The following GALNT17 variants were observed in gnomAD, a reference collection of about 807,000 sequenced individuals.
GALNT17 encodes polypeptide N-acetylgalactosaminyltransferase 17.
Under a neutral mutation model 63.7 loss-of-function variants are expected in GALNT17, and 29 were observed. The observed-to-expected ratio is 0.46, with a 90% CI of 0.34 to 0.62. GALNT17 has a LOEUF of 0.62. GALNT17 is among the 20% of genes least tolerant of loss of function. The probability of loss-of-function intolerance (pLI) is 0.01; values close to 1 mark genes in which losing one functional copy is unlikely to be tolerated. For synonymous variants in GALNT17, 305 were observed against 318.3 expected (o/e 0.96, Z 0.45); for missense variants, 603 against 799.6 (o/e 0.75, Z 2.97).
chr7:71,389,927 G>A (rs1450286358), intron 3 of GALNT17, among the ~76,000 whole-genome samples: 1 of 152,108 alleles, frequency 6.6e-6, no homozygotes, highest in Non-Finnish European at 1.5e-5. Flanking sequence ...AAAACTCCTG[G>A]GAGATCCTTG....
chr7:71,151,684 A>C (rs765176927), intron 1 of GALNT17, among the ~76,000 whole-genome samples: 1 of 151,954 alleles, frequency 6.6e-6, no homozygotes, highest in Admixed American at 6.6e-5. Context: ...CTAGTACTCT[A>C]TTTACAGGAT....
At chr7:71,518,584 A>G (rs1266873322) in intron 5 of GALNT17, among the ~76,000 whole-genome samples, 1 of 152,206 alleles carries the variant, frequency 6.6e-6, no homozygotes, top group Non-Finnish European at 1.5e-5. Context: ...GATTTCCAGA[A>G]TATCTCCTCA....
intron 2 of GALNT17, among the ~76,000 whole-genome samples, chr7:71,384,170 G>T (rs1792897220): frequency 6.6e-6 from 1 of 152,066 alleles, no homozygotes; most frequent in South Asian, 2.1e-4. Context: ...CCATCTTAAT[G>T]GATGTGACGT....
chr7:71,233,682 G>T (rs1290828790), intron 1 of GALNT17, among the ~76,000 whole-genome samples: 1 of 152,122 alleles, frequency 6.6e-6, no homozygotes, highest in Non-Finnish European at 1.5e-5. Context: ...CTGCCTGATG[G>T]TAGGGGTGGC....
At chr7:71,593,485 C>T (rs1344536092) in intron 6 of GALNT17, among the ~76,000 whole-genome samples, 1 of 152,052 alleles carries the variant, frequency 6.6e-6, no homozygotes, top group Non-Finnish European at 1.5e-5. Context: ...AGGATGGTCG[C>T]TGTCTCTTGA....
chr7:71,481,334 C>G (rs1257170961), intron 5 of GALNT17, among the ~76,000 whole-genome samples: 1 of 152,048 alleles, frequency 6.6e-6, no homozygotes, highest in Admixed American at 6.6e-5. Context: ...ATGTGTAATC[C>G]CAACTACTGG....
intron 5 of GALNT17, among the ~76,000 whole-genome samples, chr7:71,430,246 A>G (rs1165068862): frequency 6.6e-6 from 1 of 152,198 alleles, no homozygotes; most frequent in African/African-American, 2.4e-5. Flanking sequence ...ATATGGGGAA[A>G]AGAGTGAGGT....
intron 1 of GALNT17, among the ~76,000 whole-genome samples, chr7:71,162,652 C>T (rs955349037): frequency 1.6e-4 from 25 of 152,150 alleles, no homozygotes; most frequent in African/African-American, 5.3e-4. Context: ...CCATGGATAC[C>T]CATCCTGTGG....
intron 5 of GALNT17, among the ~76,000 whole-genome samples, chr7:71,523,039 C>G (rs978377971): frequency 6.6e-6 from 1 of 152,230 alleles, no homozygotes; most frequent in Non-Finnish European, 1.5e-5. Context: ...GACCTCGTCT[C>G]TATGGTACAT....
chr7:71,637,249 G>A (rs1047128302), intron 6 of GALNT17, among the ~76,000 whole-genome samples: 11 of 152,148 alleles, frequency 7.2e-5, no homozygotes, highest in African/African-American at 2.7e-4. Context: ...GCAGTGACGC[G>A]ATCTCGGCTC....
rs903526189 is a variant in GALNT17, at chr7:71,171,259, A to G, written c.238+38219A>G. On this transcript the variant is annotated intron_variant, in intron 1 of 10. Coordinates refer to ENST00000333538, the MANE Select transcript of GALNT17 (RefSeq NM_022479.3). ...CTTGGGCATGTTGGCCCACACCTGT[A>G]ATCCCAGTGCTCTGGGAGGCCAAGG... 2.0e-5 allele frequency among the ~76,000 whole-genome samples: 3 copies of G among 152,326 alleles called. No individual in the cohort carries two copies. The South Asian group carries it at 6.2e-4, about 32-fold the overall frequency.
At chr7:71,359,200 T>A (rs1292278186) in intron 2 of GALNT17, among the ~76,000 whole-genome samples, 1 of 152,144 alleles carries the variant, frequency 6.6e-6, no homozygotes, top group East Asian at 1.9e-4. Flanking sequence ...AGAAAAGAGG[T>A]CTAACTGGCT....
chr7:71,317,807 A>G (rs1055406567), intron 1 of GALNT17, among the ~76,000 whole-genome samples: 2 of 152,180 alleles, frequency 1.3e-5, no homozygotes, highest in Non-Finnish European at 2.9e-5. Context: ...ACCCTAAGCT[A>G]GTGTCTTTAT....
intron 1 of GALNT17, among the ~76,000 whole-genome samples, chr7:71,303,074 A>G (rs1791229665): frequency 6.6e-6 from 1 of 151,894 alleles, no homozygotes; most frequent in East Asian, 1.9e-4. Context: ...CACGTTGGCC[A>G]GGGTGGTCTT....
At chr7:71,499,811 G>T (rs1173297410) in intron 5 of GALNT17, among the ~76,000 whole-genome samples, 1 of 152,162 alleles carries the variant, frequency 6.6e-6, no homozygotes, top group Non-Finnish European at 1.5e-5. Flanking sequence ...ATCTTAAATT[G>T]TAGTTCCCAT....
At chr7:71,377,674 G>A (rs940570718) in intron 2 of GALNT17, among the ~76,000 whole-genome samples, 2 of 152,162 alleles carry the variant, frequency 1.3e-5, no homozygotes, top group Non-Finnish European at 2.9e-5. Flanking sequence ...ATCTCTAATC[G>A]TAATCCCCAT....
rs909577683 is a variant in GALNT17 at position 71,298,627 on chromosome 7, A to G, written c.239-36923A>G. ...TATTTCCAGGTGGCTGGGCTTTTCT[A>G]TTTCTAAGGGTAAAGGTGTGTTCAG... is the stretch of plus-strand genomic sequence containing the variant. On this transcript the variant is annotated intron_variant, in intron 1 of 10. Coordinates refer to ENST00000333538, the MANE Select transcript of GALNT17 (RefSeq NM_022479.3). Among the ~76,000 whole-genome samples the G allele has an allele frequency of 9.9e-5, 15 of 151,302 alleles. No homozygotes were observed. In the South Asian group the frequency reaches 1.7e-3, roughly 17 times the overall value.
rs901333237 is a variant in GALNT17, at chr7:71,154,590, T to G, written c.238+21550T>G. The stretch of plus-strand genomic sequence containing the variant: ...AACATTTATTTATTTATTTATGTAT[T>G]TTTGGAGACGGAGTCTCACTCTGTC... On this transcript the variant is annotated intron_variant, in intron 1 of 10. Transcript: ENST00000333538. Among the ~76,000 whole-genome samples, 8 of 152,172 alleles carry G rather than the reference T, an allele frequency of 5.3e-5. No homozygotes were observed. The South Asian group carries it at 6.2e-4, about 12-fold the overall frequency.
intron 6 of GALNT17, among the ~76,000 whole-genome samples, chr7:71,634,874 T>C (rs924695157): frequency 3.9e-5 from 6 of 152,036 alleles, no homozygotes; most frequent in Non-Finnish European, 5.9e-5. Context: ...ATTTTGCTGA[T>C]TGACAATTGG....
Sources: allele counts gnomAD v4.1 joint callset (sites outside exome capture counted in the v4.1 genomes callset), GRCh38; gene constraint gnomAD v4.1.1; transcripts MANE v1.5; gene names NCBI Gene and HGNC (gene_info 2026-07-23, HGNC 2026-07-21).